SAMMSON: variants seen among roughly 807,000 people sequenced by gnomAD.
SAMMSON encodes the protein long intergenic non-protein coding RNA 1212.
At chr3:70,163,074 TC>T (rs1353871699) in intron 4 of SAMMSON, among the ~76,000 whole-genome samples, 1 of 151,612 alleles carries the variant, frequency 6.6e-6, no homozygotes, top group Non-Finnish European at 1.5e-5. Context: ...TATAATCGAA[TC>T]CTTTTTTTTC....
At chr3:70,357,498 A>G (rs2106738064) in intron 8 of SAMMSON, among the ~76,000 whole-genome samples, 1 of 152,206 alleles carries the variant, frequency 6.6e-6, no homozygotes, top group East Asian at 1.9e-4. Context: ...TTAAAAGTTG[A>G]GTGGATTTTC....
intron 9 of SAMMSON, among the ~76,000 whole-genome samples, chr3:70,377,451 C>G (rs796444736): frequency 1.3e-5 from 2 of 152,106 alleles, no homozygotes; most frequent in African/African-American, 4.8e-5. Flanking sequence ...GGATAAACAG[C>G]AATTTTGGAC....
chr3:70,240,783 T>G (rs1701660160), intron 4 of SAMMSON, among the ~76,000 whole-genome samples: 2 of 152,172 alleles, frequency 1.3e-5, no homozygotes, highest in South Asian at 4.1e-4. Context: ...TGAGTTATTT[T>G]CATACACCGG....
intron 6 of SAMMSON, among the ~76,000 whole-genome samples, chr3:70,264,368 G>C (rs1204384510): frequency 6.6e-6 from 1 of 152,172 alleles, no homozygotes; most frequent in Non-Finnish European, 1.5e-5. Flanking sequence ...TCTTCTAAGA[G>C]TGGATTTATT....
chr3:70,301,307 T>C (rs1702346346), intron 7 of SAMMSON, among the ~76,000 whole-genome samples: 1 of 152,136 alleles, frequency 6.6e-6, no homozygotes, highest in South Asian at 2.1e-4. Context: ...GAATTGGGTA[T>C]GTTCATATGG....
intron 4 of SAMMSON, among the ~76,000 whole-genome samples, chr3:70,123,058 A>G (rs7371996): frequency 0.13 from 20,161 of 152,134 alleles, 1,396 homozygotes; most frequent in South Asian, 0.21. Context: ...TAACTCCTAG[A>G]TAAATAGTTA....
intron 7 of SAMMSON, among the ~76,000 whole-genome samples, chr3:70,312,913 A>T (rs1308383245): frequency 6.6e-6 from 1 of 152,160 alleles, no homozygotes. Flanking sequence ...GTTAATATTA[A>T]AAGATGTAGA....
intron 4 of SAMMSON, among the ~76,000 whole-genome samples, chr3:70,147,021 T>C (rs369203496): frequency 6.6e-6 from 1 of 152,070 alleles, no homozygotes; most frequent in African/African-American, 2.4e-5. Context: ...TTCTAGACAA[T>C]ATCATTGAAA....
intron 7 of SAMMSON, among the ~76,000 whole-genome samples, chr3:70,352,967 A>G (rs1702803716): frequency 6.6e-6 from 1 of 152,098 alleles, no homozygotes; most frequent in Non-Finnish European, 1.5e-5. Context: ...TAAATAAACA[A>G]TTCAATGGAA....
At chr3:70,201,559 C>T (rs983090290) in intron 4 of SAMMSON, among the ~76,000 whole-genome samples, 3 of 152,148 alleles carry the variant, frequency 2.0e-5, no homozygotes, top group African/African-American at 7.2e-5. Context: ...CTATTATGAT[C>T]CCTGTTTATG....
intron 6 of SAMMSON, among the ~76,000 whole-genome samples, chr3:70,284,073 AACC>A (rs1405362588): frequency 1.3e-5 from 2 of 152,102 alleles, no homozygotes; most frequent in Non-Finnish European, 2.9e-5. Flanking sequence ...CTTGGTTTTA[AACC>A]TCAGTTGGAC....
intron 2 of SAMMSON, among the ~76,000 whole-genome samples, chr3:70,428,451 C>T (rs1046699336): frequency 6.6e-6 from 1 of 152,100 alleles, no homozygotes; most frequent in African/African-American, 2.4e-5. Flanking sequence ...TTACTGATTT[C>T]TGATAACGGA....
intron 4 of SAMMSON, among the ~76,000 whole-genome samples, chr3:70,104,951 A>T (rs2067361811): frequency 6.6e-6 from 1 of 152,158 alleles, no homozygotes; most frequent in African/African-American, 2.4e-5. Context: ...TATTCTATTT[A>T]AAGTAGTAAT....
At chr3:70,433,719 A>T (rs911006592) in intron 2 of SAMMSON, among the ~76,000 whole-genome samples, 1 of 152,148 alleles carries the variant, frequency 6.6e-6, no homozygotes, top group Non-Finnish European at 1.5e-5. Context: ...TCTAAAAAAA[A>T]TCAACAAACC....
chr3:70,327,405 G>A (rs1702587748), intron 7 of SAMMSON, among the ~76,000 whole-genome samples: 1 of 152,172 alleles, frequency 6.6e-6, no homozygotes, highest in Admixed American at 6.6e-5. Context: ...TTGCTGCCCA[G>A]AGAGATTTTA....
intron 3 of SAMMSON, among the ~76,000 whole-genome samples, chr3:70,058,858 C>T (rs1261547480): frequency 6.6e-6 from 1 of 151,980 alleles, no homozygotes; most frequent in Non-Finnish European, 1.5e-5. Flanking sequence ...AAATAATTGA[C>T]TAAGGACACA....
chr3:70,145,865 T>G (rs995051418), intron 4 of SAMMSON, among the ~76,000 whole-genome samples: 6 of 151,444 alleles, frequency 4.0e-5, no homozygotes, highest in African/African-American at 1.4e-4. Context: ...TCAATGAAAT[T>G]TAAAAAATAG....
intron 3 of SAMMSON, among the ~76,000 whole-genome samples, chr3:70,059,631 A>G (rs895391860): frequency 6.6e-6 from 1 of 152,112 alleles, no homozygotes; most frequent in Non-Finnish European, 1.5e-5. Flanking sequence ...AGTGGATTGG[A>G]TGAGTCTGTC....
chr3:70,411,533 T>C (rs1453441351), intron 2 of SAMMSON, among the ~76,000 whole-genome samples: 1 of 152,226 alleles, frequency 6.6e-6, no homozygotes, highest in Non-Finnish European at 1.5e-5. Context: ...GGTATCACAA[T>C]GATATGGTTT....
Sources: gnomAD v4.1 joint callset for allele counts (sites outside exome capture counted in the v4.1 genomes callset) on GRCh38, gnomAD v4.1.1 for gene constraint, MANE v1.5 for transcripts, NCBI Gene and HGNC (gene_info 2026-07-23, HGNC 2026-07-21) for gene names.